The following SSNA1 variants were observed in gnomAD, a reference collection of about 807,000 sequenced individuals.
SSNA1 encodes SS nuclear autoantigen 1.
A neutral mutation model predicts 13.3 loss-of-function variants in SSNA1; 13 were observed. The observed-to-expected ratio is 0.97, with a 90% CI of 0.63 to 1.55. SSNA1 has a LOEUF of 1.55. SSNA1 is among the 40% of genes most tolerant of loss of function. The pLI, the probability that SSNA1 is intolerant of heterozygous loss-of-function variation, is 0.00. For missense variants in SSNA1, 186 were observed against 152.7 expected (o/e 1.22, Z -1.15); for synonymous variants, 89 against 65.9 (o/e 1.35, Z -1.70).
chr9:137,189,241 G>A lies in SSNA1; in HGVS notation c.228G>A (p.Ala76=), dbSNP rs1588768904. ...ASRNEFDRTI[A]ETEAAYLKIL... is the part of the protein sequence containing the mutation. ...GCAACGAGTTCGACCGGACCATCGC[G>A]GAGACGGAGGCCGCCTACCTCAAGG... The change falls in exon 2 of 3, where the codon GCG becomes GCA. Residue 76 remains alanine (A), a synonymous_variant. Transcript: ENST00000322310. 2 of 1,613,128 alleles carry A rather than the reference G, an allele frequency of 1.2e-6. No individual in the cohort carries two copies. The highest frequency in any genetic ancestry group is 4.5e-5 in the East Asian group (2 of 44,890).
chr9:137,188,901 G>A, intron 1 of SSNA1, 123 bp downstream of exon 1: 1 of 1,327,438 alleles, frequency 7.5e-7, no homozygotes, highest in East Asian at 2.9e-5. Context: ...AGCCCTCCGT[G>A]CCGGAGGCCG....
Position 137,190,361 on chromosome 9 carries a change from T to C in SSNA1, c.*447T>C, listed in dbSNP as rs978804914. 1 of 175,860 alleles carries C rather than the reference T, an allele frequency of 5.7e-6. No homozygotes were observed. Among genetic ancestry groups the C allele is most frequent in the Non-Finnish European group, 1.2e-5 (1 of 80,072 alleles). 10.9% of individuals were successfully genotyped at this position (175,860 alleles called of 1,614,324 possible). A position where few individuals can be genotyped will look rare whatever the true frequency, so the allele number is the denominator to read the frequency against. On this transcript the variant is annotated 3_prime_UTR_variant, in exon 3 of 3. Coordinates refer to ENST00000322310, the MANE Select transcript of SSNA1 (RefSeq NM_003731.3). ...TGTGATTATGAATAAAGATTATCTT[T>C]GTAAAGATCCGTGCCAGCCTGCTGC...
At chr9:137,189,422 C>T (rs1270737446) in intron 2 of SSNA1, among the ~76,000 whole-genome samples, 157 bp downstream of exon 2, 2 of 152,228 alleles carry the variant, frequency 1.3e-5, no homozygotes, top group Non-Finnish European at 2.9e-5. Context: ...CATTGAGGAA[C>T]CCAGGCTGCT....
chr9:137,189,247 G>A lies in SSNA1; in HGVS notation c.234G>A (p.Thr78=), dbSNP rs771718375. 5.0e-6 allele frequency: 8 copies of A among 1,613,096 alleles called. No homozygotes were observed. The highest frequency in any genetic ancestry group is 1.7e-5 in the Admixed American group (1 of 60,030). ...RNEFDRTIAE[T]EAAYLKILES... is the part of the protein sequence containing the mutation. ...AGTTCGACCGGACCATCGCGGAGAC[G>A]GAGGCCGCCTACCTCAAGGTGGAGC... is the stretch of plus-strand genomic sequence containing the variant. The change falls in exon 2 of 3, where the codon ACG becomes ACA. Residue 78 remains threonine (T), a synonymous_variant. Transcript: ENST00000322310.
chr9:137,189,795 C>T lies in SSNA1; in HGVS notation c.253-12C>T, dbSNP rs537004393. 7.4e-6 allele frequency: 12 copies of T among 1,612,730 alleles called. No homozygotes were observed. The South Asian group carries it at 8.8e-5, about 12-fold the overall frequency. On this transcript the variant is annotated splice_polypyrimidine_tract_variant and intron_variant, in intron 2 of 2. Transcript: ENST00000322310. ...GTGAACATTAACAACCTTCTCACTT[C>T]TCTGGCCCCAGATCCTGGAGAGCTC...
Position 137,189,865 on chromosome 9 carries a change from C to G in SSNA1, c.311C>G (p.Thr104Ser), listed in dbSNP as rs748055514. The G allele has an allele frequency of 9.3e-6, 15 of 1,613,886 alleles. No homozygotes were observed. Among genetic ancestry groups the G allele is most frequent in the Non-Finnish European group, 1.3e-5 (15 of 1,180,040 alleles). Residue 104 changes from threonine (T) to serine (S), a missense_variant, in exon 3 of 3, where the codon ACC becomes AGC. By Grantham distance (58) the Thr-to-Ser change is moderately conservative. Transcript: ENST00000322310. ...CTCAAGAGGGAAGCTGGGAACCTGA[C>G]CAAGGCTACAGCCCCAGACCAGAAA... ...SVLKREAGNL[T>S]KATAPDQKSS...
rs1834570072 is a variant in SSNA1 at position 137,189,788 on chromosome 9, C to T, written c.253-19C>T. The T allele has an allele frequency of 1.2e-6, 2 of 1,610,420 alleles. No homozygotes were observed. The highest frequency in any genetic ancestry group is 1.7e-5 in the Admixed American group (1 of 59,944). ...CCAACAGGTGAACATTAACAACCTT[C>T]TCACTTCTCTGGCCCCAGATCCTGG... On this transcript the variant is annotated intron_variant, in intron 2 of 2. Coordinates refer to ENST00000322310, the MANE Select transcript of SSNA1 (RefSeq NM_003731.3).
chr9:137,189,368 C>T, intron 2 of SSNA1, 103 bp downstream of exon 2: 1 of 1,334,886 alleles, frequency 7.5e-7, no homozygotes, highest in Non-Finnish European at 1.1e-6. Flanking sequence ...TGTGGGCAGT[C>T]TGTGCCTCGC....
chr9:137,189,151 G>A lies in SSNA1; in HGVS notation c.138G>A (p.Glu46=), dbSNP rs1834555778. The change falls in exon 2 of 3, where the codon GAG becomes GAA. Residue 46 remains glutamate, a synonymous_variant. Transcript: ENST00000322310. ...ACGAGAAGCAGCGGCTGCAGAATGA[G>A]GTGAGGCAGCTGACAGAGAAGCTGG... is the stretch of plus-strand genomic sequence containing the variant. ...EEDEKQRLQN[E]VRQLTEKLAR... 1.9e-6 allele frequency: 3 copies of A among 1,612,164 alleles called. No individual in the cohort carries two copies. Among genetic ancestry groups the A allele is most frequent in the African/African-American group, 1.3e-5 (1 of 75,052 alleles).
At chr9:137,189,335 C>G in intron 2 of SSNA1, 70 bp downstream of exon 2, 1 of 1,565,540 alleles carries the variant, frequency 6.4e-7, no homozygotes, top group Non-Finnish European at 8.8e-7. Context: ...GGCAAGGCGT[C>G]AGGACCGGCT....
chr9:137,190,266 G>T lies in SSNA1; in HGVS notation c.*352G>T. The T allele has an allele frequency of 3.3e-6, 1 of 305,580 alleles. No individual in the cohort carries two copies. Among genetic ancestry groups the T allele is most frequent in the Non-Finnish European group, 6.3e-6 (1 of 158,822 alleles). The allele number at this position is 305,580 out of a possible 1,614,324, so 18.9% of individuals were successfully genotyped here. On this transcript the variant is annotated 3_prime_UTR_variant, in exon 3 of 3. Transcript: ENST00000322310. ...CCCTCCTCAGCCAGCAGAGGCCCAG[G>T]GCAAGGGACAGGAGGACAGGGGTTC...
intron 2 of SSNA1, 30 bp from the exon 3 acceptor site, chr9:137,189,777 T>C (rs1379998535): frequency 6.2e-7 from 1 of 1,603,098 alleles, no homozygotes; most frequent in Non-Finnish European, 8.5e-7. Context: ...CAGGTGAACA[T>C]TAACAACCTT....
chr9:137,189,005 C>T, intron 1 of SSNA1, 61 bp from the exon 2 acceptor site: 1 of 1,526,108 alleles, frequency 6.6e-7, no homozygotes, highest in Non-Finnish European at 8.9e-7. Flanking sequence ...TGGAAGGAGG[C>T]CCGCCCTCCG....
Position 137,188,722 on chromosome 9 carries a change from T to A in SSNA1, c.-5T>A, listed in dbSNP as rs962721498. The A allele has an allele frequency of 8.8e-6, 14 of 1,583,458 alleles. No homozygotes were observed. The highest frequency in any genetic ancestry group is 2.3e-5 in the East Asian group (1 of 42,804). On this transcript the variant is annotated 5_prime_UTR_variant, in exon 1 of 3. Transcript: ENST00000322310. ...GGGGTGGTGGGGCCCCGGGCGGCGT[T>A]GACCATGACCCAGCAGGGCGCGGCG...
In SSNA1 at chr9:137,189,974, G is replaced by A; in HGVS notation, c.*60G>A. 1 of 1,441,414 alleles carries A rather than the reference G, an allele frequency of 6.9e-7. No individual in the cohort carries two copies. The highest frequency in any genetic ancestry group is 9.7e-7 in the Non-Finnish European group (1 of 1,029,424). 89.3% of individuals were successfully genotyped at this position (1,441,414 alleles called of 1,614,324 possible). On this transcript the variant is annotated 3_prime_UTR_variant, in exon 3 of 3. Coordinates refer to ENST00000322310, the MANE Select transcript of SSNA1 (RefSeq NM_003731.3). ...CTCAGCTCAGCCCCAGCAAGTGTGT[G>A]CTCAGAGCATCTTTGTTCTTCACGG...
rs1425151660 is a variant in SSNA1 at position 137,189,726 on chromosome 9, C to G, written c.253-81C>G. On this transcript the variant is annotated intron_variant, in intron 2 of 2. Transcript: ENST00000322310. ...TACAGCACCCCCAGCCAGGTCCCAG[C>G]ACCTGAGTGTGAGGACAGCTGGGGC... 3.0e-6 allele frequency: 4 copies of G among 1,322,276 alleles called. 1 individual carries two copies. In the Admixed American group the frequency reaches 7.7e-5, roughly 26 times the overall value. 81.9% of individuals were successfully genotyped at this position (1,322,276 alleles called of 1,614,324 possible). A position where few individuals can be genotyped will look rare whatever the true frequency, so the allele number is the denominator to read the frequency against.
At chr9:137,189,348 G>A in intron 2 of SSNA1, 83 bp downstream of exon 2, 1 of 1,510,954 alleles carries the variant, frequency 6.6e-7, no homozygotes, top group Non-Finnish European at 9.1e-7. Context: ...GACCGGCTGG[G>A]GCTCCCGGCT....
rs1429743074 is a variant in SSNA1 at position 137,189,382 on chromosome 9, C to T, written c.252+117C>T. 18 of 1,236,874 alleles carry T rather than the reference C, an allele frequency of 1.5e-5. 1 individual carries two copies. The highest frequency in any genetic ancestry group is 1.5e-5 in the African/African-American group (1 of 67,226). 76.6% of individuals were successfully genotyped at this position (1,236,874 alleles called of 1,614,324 possible). A position where few individuals can be genotyped will look rare whatever the true frequency, so the allele number is the denominator to read the frequency against. ...CTGTGGGCAGTCTGTGCCTCGCTGGCATTTCGGGCAGGGGCAGCGTGGCCA... is the reference window on the plus strand; with the variant it reads ...CTGTGGGCAGTCTGTGCCTCGCTGGTATTTCGGGCAGGGGCAGCGTGGCCA... On this transcript the variant is annotated intron_variant, in intron 2 of 2. Transcript: ENST00000322310.
Position 137,188,737 on chromosome 9 carries a change from A to G in SSNA1, c.11A>G (p.Gln4Arg), listed in dbSNP as rs1209129296. MTQQGAALQNYNNE... is the reference protein window; with the variant it reads MTQRGAALQNYNNE... ...CGGGCGGCGTTGACCATGACCCAGC[A>G]GGGCGCGGCGCTGCAGAACTACAAC... The change falls in exon 1 of 3, where the codon CAG becomes CGG. Residue 4 changes from glutamine to arginine, a missense_variant. By Grantham distance (43) the Gln-to-Arg change is conservative. Transcript: ENST00000322310. 6 of 1,585,198 alleles carry G rather than the reference A, an allele frequency of 3.8e-6. No individual in the cohort carries two copies. Among genetic ancestry groups the G allele is most frequent in the Non-Finnish European group, 4.3e-6 (5 of 1,173,382 alleles).
Sources: allele counts gnomAD v4.1 joint callset (sites outside exome capture counted in the v4.1 genomes callset), GRCh38; gene constraint gnomAD v4.1.1; transcripts MANE v1.5; gene names NCBI Gene and HGNC (gene_info 2026-07-23, HGNC 2026-07-21).